The following MACROD2 variants were observed in gnomAD, a reference collection of about 807,000 sequenced individuals.
MACROD2 encodes mono-ADP ribosylhydrolase 2.
Under a neutral mutation model 70.4 loss-of-function variants are expected in MACROD2, and 36 were observed. That is an observed-to-expected ratio of 0.51 (90% CI 0.39 to 0.68). MACROD2 has a LOEUF of 0.68. MACROD2 is among the 30% of genes least tolerant of loss of function. The probability of loss-of-function intolerance (pLI) is 0.00; values close to 1 mark genes in which losing one functional copy is unlikely to be tolerated. For synonymous variants in MACROD2, 172 were observed against 178.8 expected, an observed-to-expected ratio of 0.96 and a Z score of 0.30; for missense variants, 496 against 538.4, an observed-to-expected ratio of 0.92 and a Z score of 0.78.
At chr20:14,485,499 G>GGA (rs1568634248) in intron 3 of MACROD2, among the ~76,000 whole-genome samples, 4 of 151,746 alleles carry the variant, frequency 2.6e-5, no homozygotes, top group African/African-American at 4.8e-5. Flanking sequence ...CGGGAAATCA[G>GGA]GATCATCCTG....
intron 5 of MACROD2, among the ~76,000 whole-genome samples, chr20:14,876,681 A>G (rs922350935): frequency 1.6e-4 from 24 of 152,240 alleles, no homozygotes; most frequent in African/African-American, 5.5e-4. Flanking sequence ...TCTTGTGCAT[A>G]TGGCTAGCCA....
At chr20:14,130,811 A>G (rs1013065546) in intron 3 of MACROD2, among the ~76,000 whole-genome samples, 1 of 152,166 alleles carries the variant, frequency 6.6e-6, no homozygotes, top group Non-Finnish European at 1.5e-5. Flanking sequence ...ATAAATTATG[A>G]ACATTTTAGA....
At chr20:15,375,966 A>T (rs1181245835) in intron 6 of MACROD2, among the ~76,000 whole-genome samples, 1 of 152,108 alleles carries the variant, frequency 6.6e-6, no homozygotes, top group African/African-American at 2.4e-5. Context: ...GAATGCATCG[A>T]CATATGTTCA....
intron 3 of MACROD2, among the ~76,000 whole-genome samples, chr20:14,465,049 G>A (rs2123028639): frequency 6.6e-6 from 1 of 152,158 alleles, no homozygotes; most frequent in East Asian, 1.9e-4. Flanking sequence ...TGTCTATTAG[G>A]CCCTCTTGGT....
At chr20:15,505,635 A>C (rs1400625934) in intron 8 of MACROD2, among the ~76,000 whole-genome samples, 1 of 152,034 alleles carries the variant, frequency 6.6e-6, no homozygotes, top group African/African-American at 2.4e-5. Flanking sequence ...CCTCCTATCT[A>C]TACTGCTCTC....
chr20:14,602,454 G>A (rs1982560766), intron 4 of MACROD2, among the ~76,000 whole-genome samples: 2 of 152,280 alleles, frequency 1.3e-5, no homozygotes, highest in East Asian at 3.9e-4. Context: ...TATCTGCCTA[G>A]GTATTTGGCC....
intron 8 of MACROD2, among the ~76,000 whole-genome samples, chr20:15,640,057 A>G (rs1229051517): frequency 1.4e-5 from 2 of 145,810 alleles, no homozygotes; most frequent in Non-Finnish European, 3.0e-5. Context: ...AGAAGAGAGA[A>G]AGGGGGCGTG....
At chr20:14,663,315 C>A (rs1452938482) in intron 4 of MACROD2, among the ~76,000 whole-genome samples, 2 of 151,644 alleles carry the variant, frequency 1.3e-5, no homozygotes, top group Admixed American at 6.6e-5. Context: ...ACAACACACA[C>A]AGGGGCTTAT....
At chr20:15,571,952 C>A (rs535824681) in intron 8 of MACROD2, among the ~76,000 whole-genome samples, 2 of 152,034 alleles carry the variant, frequency 1.3e-5, no homozygotes, top group South Asian at 4.1e-4. Context: ...GTTTTTTTCC[C>A]AAACTTATTT....
intron 3 of MACROD2, among the ~76,000 whole-genome samples, chr20:14,350,000 C>G (rs1202552964): frequency 6.6e-6 from 1 of 151,878 alleles, no homozygotes; most frequent in East Asian, 1.9e-4. Flanking sequence ...CCACCCACCT[C>G]AGCCTCCCAA....
chr20:15,667,465 A>G (rs985171778), intron 8 of MACROD2, among the ~76,000 whole-genome samples: 7 of 144,922 alleles, frequency 4.8e-5, no homozygotes, highest in South Asian at 2.4e-4. Context: ...CTAATACACT[A>G]TCTATGTATC....
chr20:14,528,154 G>C (rs1600344502), intron 4 of MACROD2, among the ~76,000 whole-genome samples: 1 of 149,060 alleles, frequency 6.7e-6, no homozygotes, highest in South Asian at 2.1e-4. Context: ...TCATTGCCCA[G>C]GCTGGAGAGC....
intron 5 of MACROD2, among the ~76,000 whole-genome samples, chr20:14,922,327 G>A (rs1210189726): frequency 6.6e-6 from 1 of 151,876 alleles, no homozygotes; most frequent in Non-Finnish European, 1.5e-5. Context: ...AGCTACCTAG[G>A]TATTCATAAG....
intron 8 of MACROD2, among the ~76,000 whole-genome samples, chr20:15,851,916 A>G (rs1248783854): frequency 6.6e-6 from 1 of 152,184 alleles, no homozygotes; most frequent in Non-Finnish European, 1.5e-5. Context: ...GGCAGCCACC[A>G]CGAGCACACG....
At chr20:15,636,181 T>C (rs200774) in intron 8 of MACROD2, among the ~76,000 whole-genome samples, 36,479 of 149,846 alleles carry the variant, frequency 0.24, 5,168 homozygotes, top group East Asian at 0.37. Flanking sequence ...TCCCCAAGGG[T>C]TTGTGGTTTT....
chr20:14,872,095 A>G (rs1341166135), intron 5 of MACROD2, among the ~76,000 whole-genome samples: 2 of 152,122 alleles, frequency 1.3e-5, no homozygotes, highest in Non-Finnish European at 2.9e-5. Context: ...CTCCACTGAC[A>G]ATATTCGACA....
At chr20:15,672,429 T>C (rs978139231) in intron 8 of MACROD2, among the ~76,000 whole-genome samples, 12 of 151,612 alleles carry the variant, frequency 7.9e-5, no homozygotes, top group African/African-American at 2.9e-4. Flanking sequence ...GATAGGAAGT[T>C]AAGTGGCATG....
At chr20:14,955,767 C>T (rs2074531008) in intron 5 of MACROD2, among the ~76,000 whole-genome samples, 1 of 152,064 alleles carries the variant, frequency 6.6e-6, no homozygotes, top group South Asian at 2.1e-4. Flanking sequence ...AATGCCTGAG[C>T]TTGGGGCCCC....
intron 3 of MACROD2, among the ~76,000 whole-genome samples, chr20:14,417,027 CTATCTATATATCTATCTAT>C (rs869219642): frequency 6.6e-6 from 1 of 151,520 alleles, no homozygotes; most frequent in South Asian, 2.1e-4. Flanking sequence ...CACACGCTAT[CTATCTATATATCTATCTAT>C]TATCTATCTA....
Sources: gnomAD v4.1 joint callset for allele counts (sites outside exome capture counted in the v4.1 genomes callset) on GRCh38, gnomAD v4.1.1 for gene constraint, MANE v1.5 for transcripts, NCBI Gene and HGNC (gene_info 2026-07-23, HGNC 2026-07-21) for gene names.